SLC22A3: variants seen among roughly 807,000 people sequenced by gnomAD.
SLC22A3 encodes solute carrier family 22 member 3.
In SLC22A3, 51 loss-of-function variants were observed where a neutral mutation model predicts 59.1. The ratio of observed to expected loss-of-function variants is 0.86; its 90% CI spans 0.69 to 1.09. SLC22A3 has a LOEUF of 1.09. Among genes scored for constraint, SLC22A3 ranks in the 50% least tolerant of loss-of-function variants. SLC22A3 has a pLI of 0.00. For missense variants in SLC22A3, 711 were observed against 726.3 expected (o/e 0.98, Z 0.24); for synonymous variants, 325 against 292.0 (o/e 1.11, Z -1.15).
chr6:160,362,163 C>T (rs1450426736), intron 1 of SLC22A3, among the ~76,000 whole-genome samples: 1 of 152,182 alleles, frequency 6.6e-6, no homozygotes, highest in Admixed American at 6.5e-5. Context: ...AGGGATGCTG[C>T]GACCTCAGAA....
chr6:160,378,963 G>A (rs1020554451), intron 1 of SLC22A3, among the ~76,000 whole-genome samples: 2 of 152,184 alleles, frequency 1.3e-5, no homozygotes, highest in Non-Finnish European at 2.9e-5. Flanking sequence ...TCTACTAAGT[G>A]CATATCACTT....
intron 2 of SLC22A3, among the ~76,000 whole-genome samples, chr6:160,399,476 G>GAA (rs1786667766): frequency 6.6e-6 from 1 of 152,058 alleles, no homozygotes; most frequent in Non-Finnish European, 1.5e-5. Context: ...CTAAAGTGGG[G>GAA]AATTTCCCCT....
In SLC22A3 at chr6:160,410,770, A is replaced by C; in HGVS notation, c.899A>C (p.Lys300Thr). The stretch of plus-strand genomic sequence containing the variant: ...CCCCGTTGGCTGATTACTCGGAAGA[A>C]AGGAGATAAAGCATTACAGATCCTG... ...ESPRWLITRK[K>T]GDKALQILRR... The change falls in exon 5 of 11, where the codon AAA becomes ACA. Residue 300 changes from lysine to threonine, a missense_variant. Transcript: ENST00000275300. The C allele has an allele frequency of 6.2e-7, 1 of 1,613,394 alleles. No homozygotes were observed. Among genetic ancestry groups the C allele is most frequent in the Non-Finnish European group, 8.5e-7 (1 of 1,179,554 alleles).
chr6:160,389,761 G>T (rs1277910900), intron 1 of SLC22A3, among the ~76,000 whole-genome samples: 1 of 152,178 alleles, frequency 6.6e-6, no homozygotes, highest in East Asian at 1.9e-4. Flanking sequence ...GGAAACCCTG[G>T]TAGTGCCAGG....
rs190277212 is a variant in SLC22A3 at position 160,399,914 on chromosome 6, A to T, written c.533+1832A>T. Among the ~76,000 whole-genome samples, 946 of 152,144 alleles carry T rather than the reference A, an allele frequency of 6.2e-3. 11 individuals are homozygous for T. Among genetic ancestry groups the T allele is most frequent in the Middle Eastern group, 0.037 (11 of 294 alleles). On this transcript the variant is annotated intron_variant, in intron 2 of 10. Coordinates refer to ENST00000275300, the MANE Select transcript of SLC22A3 (RefSeq NM_021977.4). ...CGCACCCCCAACCCCACTAAATAGA[A>T]AGACAGGAGAATACAGAGAATCATA...
intron 1 of SLC22A3, among the ~76,000 whole-genome samples, chr6:160,373,682 CCTTT>C (rs1785482954): frequency 6.6e-6 from 1 of 152,288 alleles, no homozygotes; most frequent in African/African-American, 2.4e-5. Context: ...GGGGCTTCTG[CCTTT>C]CTTTCAGAGA....
chr6:160,408,421 C>G (rs1178843737), intron 3 of SLC22A3, among the ~76,000 whole-genome samples: 1 of 152,166 alleles, frequency 6.6e-6, no homozygotes, highest in Non-Finnish European at 1.5e-5. Context: ...ATTACAATTA[C>G]CTTTTAAAAT....
intron 2 of SLC22A3, among the ~76,000 whole-genome samples, chr6:160,405,370 T>A (rs1400652152): frequency 6.6e-6 from 1 of 152,070 alleles, no homozygotes; most frequent in African/African-American, 2.4e-5. Context: ...ACTACATATC[T>A]ATTAGAATGG....
chr6:160,447,865 A>G, intron 10 of SLC22A3, 47 bp downstream of exon 10: 2 of 1,335,562 alleles, frequency 1.5e-6, no homozygotes, highest in Non-Finnish European at 2.2e-6. Context: ...AATATTTAAA[A>G]CCACGGGGGA....
chr6:160,402,895 G>A (rs1374760549), intron 2 of SLC22A3, among the ~76,000 whole-genome samples: 2 of 151,532 alleles, frequency 1.3e-5, no homozygotes, highest in Non-Finnish European at 3.0e-5. Context: ...CAGAAACAAT[G>A]TTTAAAGGGA....
At position 160,400,084 on chromosome 6, in the gene SLC22A3, ATTTT is replaced by A. The variant is rs760874011; in HGVS notation, c.533+2025_533+2028del. ...TCAAAGGAGGGCCCAAGCTTTTGTG[ATTTT>A]TTTTTTTTTTTTTTTTTTTTTTGCC... On this transcript the variant is annotated intron_variant, in intron 2 of 10. Transcript: ENST00000275300. 4.1e-3 allele frequency among the ~76,000 whole-genome samples: 392 copies of A among 95,430 alleles called. 2 individuals are homozygous for A. The highest frequency in any genetic ancestry group is 8.5e-3 in the African/African-American group (209 of 24,498). The allele number at this position is 95,430 out of a possible 152,430, so 62.6% of individuals were successfully genotyped here.
intron 9 of SLC22A3, among the ~76,000 whole-genome samples, chr6:160,446,756 A>C (rs1562505808): frequency 6.6e-6 from 1 of 152,226 alleles, no homozygotes; most frequent in Non-Finnish European, 1.5e-5. Context: ...AAGAATATGA[A>C]ATATATGAGA....
At chr6:160,445,540 G>A (rs1211545859) in intron 9 of SLC22A3, among the ~76,000 whole-genome samples, 2 of 152,190 alleles carry the variant, frequency 1.3e-5, no homozygotes, top group African/African-American at 2.4e-5. Flanking sequence ...CCCCAGCATC[G>A]TCCCTCTGAT....
At position 160,451,410 on chromosome 6, in the gene SLC22A3, A is replaced by C; in HGVS notation, c.*354A>C. The C allele has an allele frequency of 4.2e-6, 1 of 238,956 alleles. No homozygotes were observed. Among genetic ancestry groups the C allele is most frequent in the Middle Eastern group, 1.5e-3 (1 of 662 alleles). 14.8% of individuals were successfully genotyped at this position (238,956 alleles called of 1,614,324 possible). On this transcript the variant is annotated 3_prime_UTR_variant, in exon 11 of 11. Coordinates refer to ENST00000275300, the MANE Select transcript of SLC22A3 (RefSeq NM_021977.4). Reference sequence around the variant, plus strand: ...TGATTCTCATGACAGCTCCATCAAGAATGTGGGATGTGCCGACCAAGGATT... The same window carrying C: ...TGATTCTCATGACAGCTCCATCAAGCATGTGGGATGTGCCGACCAAGGATT...
chr6:160,417,347 G>A (rs1190664028), intron 5 of SLC22A3, among the ~76,000 whole-genome samples: 1 of 152,200 alleles, frequency 6.6e-6, no homozygotes, highest in Non-Finnish European at 1.5e-5. Context: ...GAGCAGAGCT[G>A]CAGCAGCTGA....
intron 1 of SLC22A3, among the ~76,000 whole-genome samples, chr6:160,379,687 A>G (rs1454451909): frequency 6.6e-6 from 1 of 152,234 alleles, no homozygotes; most frequent in Non-Finnish European, 1.5e-5. Context: ...GTCATCAGAA[A>G]GCAAGGAGCT....
At chr6:160,386,800 T>C (rs1392779091) in intron 1 of SLC22A3, among the ~76,000 whole-genome samples, 2 of 152,224 alleles carry the variant, frequency 1.3e-5, no homozygotes, top group African/African-American at 4.8e-5. Flanking sequence ...TTGCTGTTGC[T>C]TTGGAGCCTC....
At chr6:160,387,097 C>T (rs563985958) in intron 1 of SLC22A3, among the ~76,000 whole-genome samples, 5 of 152,236 alleles carry the variant, frequency 3.3e-5, no homozygotes, top group Admixed American at 2.6e-4. Flanking sequence ...GGAAGATAGA[C>T]AGCTGACAGG....
chr6:160,445,305 T>C (rs1191644668), intron 9 of SLC22A3, among the ~76,000 whole-genome samples: 1 of 152,090 alleles, frequency 6.6e-6, no homozygotes, highest in Non-Finnish European at 1.5e-5. Flanking sequence ...TGCCGCATCC[T>C]CAAGCACCTG....
Sources: gnomAD v4.1 joint callset for allele counts (sites outside exome capture counted in the v4.1 genomes callset) on GRCh38, gnomAD v4.1.1 for gene constraint, MANE v1.5 for transcripts, NCBI Gene and HGNC (gene_info 2026-07-23, HGNC 2026-07-21) for gene names.